The following STAG2 variants were observed in gnomAD, a reference collection of about 807,000 sequenced individuals.
The protein encoded by STAG2 is cohesin subunit SA-2.
Under a neutral mutation model 108.1 loss-of-function variants are expected in STAG2, and 14 were observed. The observed-to-expected ratio is 0.13, with a 90% CI of 0.09 to 0.20. STAG2 has a LOEUF of 0.20. Among genes scored for constraint, STAG2 ranks in the 10% least tolerant of loss-of-function variants. The pLI is 1.00. For missense variants in STAG2, 440 were observed against 940.9 expected, an observed-to-expected ratio of 0.47 and a Z score of 6.96; for synonymous variants, 307 against 302.7, an observed-to-expected ratio of 1.01 and a Z score of -0.15.
At chrX:124,058,050 A>T in intron 15 of STAG2, 73 bp downstream of exon 15, 1 of 544,445 alleles carries the variant, frequency 1.8e-6, no homozygotes, top group South Asian at 4.3e-5. Flanking sequence ...AGGCACATTT[A>T]AAAAAATATT....
chrX:123,964,769 T>G (rs1043352598), intron 1 of STAG2, among the ~76,000 whole-genome samples: 4 of 109,974 alleles, frequency 3.6e-5, no homozygotes, highest in Non-Finnish European at 7.6e-5. Flanking sequence ...TTAAAATGGT[T>G]TAAATCACCT....
At chrX:124,025,980 G>T (rs2057081852) in intron 4 of STAG2, 62 bp downstream of exon 4, 7 of 854,181 alleles carry the variant, frequency 8.2e-6, no homozygotes. Flanking sequence ...ACAGATTTAA[G>T]TTATGTCTCA....
intron 4 of STAG2, among the ~76,000 whole-genome samples, chrX:124,026,275 G>A (rs1477587635): frequency 9.1e-6 from 1 of 110,323 alleles, no homozygotes; most frequent in Non-Finnish European, 1.9e-5. Context: ...GTAAAGGAAA[G>A]CAATATATAA....
chrX:124,014,979 CTTTTTTTTTTTTT>C (rs34997317), intron 1 of STAG2, among the ~76,000 whole-genome samples: 1 of 44,524 alleles, frequency 2.2e-5, no homozygotes, highest in South Asian at 2.2e-3. Context: ...ACGTACTTTT[CTTTTTTTTTTTTT>C]TTTTTTTTTT....
chrX:123,995,217 G>C (rs1399293139), intron 1 of STAG2, among the ~76,000 whole-genome samples: 1 of 111,574 alleles, frequency 9.0e-6, no homozygotes, highest in Non-Finnish European at 1.9e-5. Flanking sequence ...GTAAAGAGAT[G>C]AGCAGGCTAC....
chrX:123,969,134 T>C (rs1235335026), intron 1 of STAG2, among the ~76,000 whole-genome samples: 2 of 112,019 alleles, frequency 1.8e-5, no homozygotes, highest in Non-Finnish European at 3.8e-5. Flanking sequence ...CTGCCTGAGG[T>C]CTATATTGTC....
In STAG2 at chrX:124,090,834, G is replaced by A. The variant is rs1385650592; in HGVS notation, c.3468-20G>A. ...CATAGAAAAAGTTAAGTTAAAAGAG[G>A]AATAAAATTCTCCTTGAAGCACGCA... is the stretch of plus-strand genomic sequence containing the variant. On this transcript the variant is annotated intron_variant, in intron 31 of 34. Transcript: ENST00000371145. 8.3e-7 allele frequency: 1 copy of A among 1,202,868 alleles called. No individual in the cohort carries two copies. Among genetic ancestry groups the A allele is most frequent in the East Asian group, 3.0e-5 (1 of 33,735 alleles).
At chrX:123,996,960 T>A in intron 1 of STAG2, among the ~76,000 whole-genome samples, 1 of 112,505 alleles carries the variant, frequency 8.9e-6, no homozygotes. Context: ...TTTTGACATA[T>A]GGATATCCAG....
rs552092680 is a variant in STAG2 at position 124,039,511 on chromosome X, A to G, written c.385+1888A>G. ...GCCCAGGCTGATCCTCAATCTCCTAAACTCAGGCAGTTGTCCCACCTCAGC... is the reference window on the plus strand; with the variant it reads ...GCCCAGGCTGATCCTCAATCTCCTAGACTCAGGCAGTTGTCCCACCTCAGC... On this transcript the variant is annotated intron_variant, in intron 6 of 34. Transcript: ENST00000371145. Among the ~76,000 whole-genome samples, 86 of 109,666 alleles carry G rather than the reference A, an allele frequency of 7.8e-4. No individual in the cohort carries two copies. In the South Asian group the frequency reaches 0.034, roughly 43 times the overall value.
intron 13 of STAG2, among the ~76,000 whole-genome samples, chrX:124,053,037 G>A (rs1284767562): frequency 3.6e-5 from 4 of 111,122 alleles, no homozygotes; most frequent in East Asian, 2.8e-4. Flanking sequence ...GGCTGGTCTC[G>A]AACTCCTGAC....
Position 124,059,941 on chromosome X carries a change from C to CATAA in STAG2, c.1417-1281_1417-1278dup, listed in dbSNP as rs767822673. On this transcript the variant is annotated intron_variant, in intron 15 of 34. Coordinates refer to ENST00000371145, the MANE Select transcript of STAG2 (RefSeq NM_001042750.2). ...CCTCCCAAAGTGCTGGGATTACAGGCATAAACCACAGCACGTGGCCCGGTT... is the reference window on the plus strand; with the variant it reads ...CCTCCCAAAGTGCTGGGATTACAGGCATAAATAAACCACAGCACGTGGCCCGGTT... 1.3e-4 allele frequency among the ~76,000 whole-genome samples: 15 copies of CATAA among 112,036 alleles called. No homozygotes were observed. The South Asian group carries it at 5.5e-3, about 41-fold the overall frequency.
At chrX:124,055,561 T>C (rs780138117) in intron 13 of STAG2, among the ~76,000 whole-genome samples, 1 of 112,610 alleles carries the variant, frequency 8.9e-6, no homozygotes, top group African/African-American at 3.2e-5. Context: ...AAAAATAAAA[T>C]GAGCATTACA....
chrX:123,998,383 C>A (rs749946661), intron 1 of STAG2, among the ~76,000 whole-genome samples: 1 of 105,198 alleles, frequency 9.5e-6, no homozygotes, highest in South Asian at 4.4e-4. Flanking sequence ...GTTGGCCAGG[C>A]TGGTCTCGAA....
intron 1 of STAG2, among the ~76,000 whole-genome samples, chrX:124,004,000 T>C (rs1286781019): frequency 8.9e-6 from 1 of 112,294 alleles, no homozygotes; most frequent in African/African-American, 3.2e-5. Flanking sequence ...AAAATACAGA[T>C]AACATATACA....
chrX:123,983,704 C>T (rs1247694280), intron 1 of STAG2, among the ~76,000 whole-genome samples: 1 of 110,681 alleles, frequency 9.0e-6, no homozygotes, highest in Non-Finnish European at 1.9e-5. Context: ...ACATAAACTA[C>T]TTCCAGGTAG....
chrX:124,001,016 TAGG>T (rs1390756712), intron 1 of STAG2, among the ~76,000 whole-genome samples: 1 of 112,322 alleles, frequency 8.9e-6, no homozygotes, highest in Non-Finnish European at 1.9e-5. Flanking sequence ...GTGTTATAAT[TAGG>T]AGTCAGTGTA....
rs1375492892 is a variant in STAG2 at position 124,086,543 on chromosome X, C to T, written c.3054-4C>T. On this transcript the variant is annotated splice_region_variant and splice_polypyrimidine_tract_variant and intron_variant, in intron 29 of 34. Transcript: ENST00000371145. ...AAAGCTAACAGTTTCGATTTCTTTT[C>T]AAGGTATGTTTACTTGGAAAAGTTC... The T allele has an allele frequency of 8.4e-7, 1 of 1,194,262 alleles. No individual in the cohort carries two copies. Among genetic ancestry groups the T allele is most frequent in the Non-Finnish European group, 1.1e-6 (1 of 881,369 alleles).
chrX:124,025,544 C>G (rs2057065834), intron 3 of STAG2, among the ~76,000 whole-genome samples: 2 of 110,855 alleles, frequency 1.8e-5, no homozygotes, highest in Admixed American at 9.7e-5. Flanking sequence ...CACCACAGTT[C>G]CTAGGGTTAA....
At chrX:124,045,623 A>G (rs2057849677) in intron 8 of STAG2, among the ~76,000 whole-genome samples, 2 of 111,101 alleles carry the variant, frequency 1.8e-5, no homozygotes, top group South Asian at 7.7e-4. Context: ...ACAGCAGGGG[A>G]GAATTGGACA....
Sources: allele counts gnomAD v4.1 joint callset (sites outside exome capture counted in the v4.1 genomes callset), GRCh38; gene constraint gnomAD v4.1.1; transcripts MANE v1.5; gene names NCBI Gene and HGNC (gene_info 2026-07-23, HGNC 2026-07-21).